COLGALT2: variants seen among roughly 807,000 people sequenced by gnomAD.
COLGALT2 encodes procollagen galactosyltransferase 2.
COLGALT2 carries 49 observed loss-of-function variants against 73.4 expected under a neutral mutation model. That is an observed-to-expected ratio of 0.67 (90% confidence interval 0.53 to 0.85). The LOEUF (loss-of-function observed/expected upper bound fraction) is 0.85. Ranked by LOEUF, COLGALT2 falls within the 40% of genes least tolerant of loss-of-function variation. The pLI is 0.00. For synonymous variants in COLGALT2, 295 were observed against 307.6 expected, an observed-to-expected ratio of 0.96 and a Z score of 0.43; for missense variants, 722 against 790.2, an observed-to-expected ratio of 0.91 and a Z score of 1.03.
intron 1 of COLGALT2, among the ~76,000 whole-genome samples, chr1:184,028,107 G>A (rs954745345): frequency 6.6e-6 from 1 of 152,170 alleles, no homozygotes; most frequent in Non-Finnish European, 1.5e-5. Flanking sequence ...GTGTGGTGCT[G>A]AGACAGGATT....
intron 1 of COLGALT2, among the ~76,000 whole-genome samples, chr1:184,010,912 T>C (rs530387516): frequency 6.6e-6 from 1 of 152,118 alleles, no homozygotes; most frequent in African/African-American, 2.4e-5. Flanking sequence ...ATGACAGCCA[T>C]AGAGTAGGAA....
In COLGALT2 at chr1:183,938,336, G is replaced by C. The variant is rs1670016282; in HGVS notation, c.*425C>G. 1 of 999,220 alleles carries C rather than the reference G, an allele frequency of 1.0e-6. No homozygotes were observed. The highest frequency in any genetic ancestry group is 1.2e-6 in the Non-Finnish European group (1 of 837,624). The allele number at this position is 999,220 out of a possible 1,614,324, so 61.9% of individuals were successfully genotyped here. ...CAAGTTTTCAATGTCATATAAAACG[G>C]ACAAACTAGACCAATAAGTGTGGTC... is the stretch of plus-strand genomic sequence containing the variant. On this transcript the variant is annotated 3_prime_UTR_variant, in exon 12 of 12. Transcript: ENST00000361927.
At chr1:183,976,053 T>A (rs1671181078) in intron 2 of COLGALT2, among the ~76,000 whole-genome samples, 1 of 152,240 alleles carries the variant, frequency 6.6e-6, no homozygotes, top group Non-Finnish European at 1.5e-5. Flanking sequence ...ATTGTTTCAA[T>A]GAAAATCAGT....
chr1:183,988,625 A>G (rs776409071), intron 1 of COLGALT2, among the ~76,000 whole-genome samples: 41 of 152,114 alleles, frequency 2.7e-4, no homozygotes, highest in Admixed American at 2.6e-3. Context: ...TTCACTTTGC[A>G]TACTGTTTTC....
rs573356954 is a variant in COLGALT2, at chr1:183,941,015, T to C, written c.1398-228A>G. ...CATTTATCAACACCCCCACTATTCCTGCCTAGTGGACGGTTTTCAAGACGG... is the reference window on the plus strand; with the variant it reads ...CATTTATCAACACCCCCACTATTCCCGCCTAGTGGACGGTTTTCAAGACGG... On this transcript the variant is annotated intron_variant, in intron 10 of 11. Coordinates refer to ENST00000361927, the MANE Select transcript of COLGALT2 (RefSeq NM_015101.4). Among the ~76,000 whole-genome samples the C allele has an allele frequency of 2.0e-5, 3 of 152,314 alleles. No homozygotes were observed. In the East Asian group the frequency reaches 5.8e-4, roughly 29 times the overall value.
intron 1 of COLGALT2, among the ~76,000 whole-genome samples, chr1:184,020,415 G>A (rs1421586484): frequency 6.6e-6 from 1 of 152,158 alleles, no homozygotes; most frequent in Non-Finnish European, 1.5e-5. Flanking sequence ...CTCTCAAGAA[G>A]CTCAAAGAAT....
Position 184,037,522 on chromosome 1 carries a change from C to T in COLGALT2, c.-165G>A. 1 of 1,149,354 alleles carries T rather than the reference C, an allele frequency of 8.7e-7. No homozygotes were observed. The highest frequency in any genetic ancestry group is 1.1e-6 in the Non-Finnish European group (1 of 936,356). 71.2% of individuals were successfully genotyped at this position (1,149,354 alleles called of 1,614,324 possible). ...CACACTGGCCTCGGCGGCTGCGGTT[C>T]CCAGGACCCTCCCGCCGCCGCTGCA... On this transcript the variant is annotated 5_prime_UTR_variant, in exon 1 of 12. Transcript: ENST00000361927.
intron 1 of COLGALT2, among the ~76,000 whole-genome samples, chr1:184,034,747 T>G (rs1362289972): frequency 6.6e-6 from 1 of 152,224 alleles, no homozygotes; most frequent in Non-Finnish European, 1.5e-5. Flanking sequence ...CCACGAGCTC[T>G]TATTATTATG....
chr1:183,933,451 C>A (rs1330407706), downstream of COLGALT2, among the ~76,000 whole-genome samples: 1 of 152,194 alleles, frequency 6.6e-6, no homozygotes. Flanking sequence ...CAATATCATC[C>A]CCTTCAAGTC....
intron 1 of COLGALT2, among the ~76,000 whole-genome samples, chr1:183,984,740 C>T (rs759942810): frequency 1.3e-5 from 2 of 152,226 alleles, no homozygotes; most frequent in Non-Finnish European, 2.9e-5. Context: ...CCCTCTGATT[C>T]TGCTTTTGGT....
rs1021059668 is a variant in COLGALT2 at position 183,936,978 on chromosome 1, T to C, written c.*1783A>G. On this transcript the variant is annotated 3_prime_UTR_variant, in exon 12 of 12. Transcript: ENST00000361927. ...AGATGAGGCTGCCTTGACTACCTAT[T>C]TGGTGATGAGACAGCTTGGTGATCA... The C allele has an allele frequency of 1.6e-6, 2 of 1,231,652 alleles. No homozygotes were observed. Among genetic ancestry groups the C allele is most frequent in the African/African-American group, 3.1e-5 (2 of 64,412 alleles). The allele number at this position is 1,231,652 out of a possible 1,614,324, so 76.3% of individuals were successfully genotyped here. A position where few individuals can be genotyped will look rare whatever the true frequency, so the allele number is the denominator to read the frequency against.
chr1:183,954,615 AAG>A (rs1217880116), intron 7 of COLGALT2, 145 bp downstream of exon 7: 1 of 504,682 alleles, frequency 2.0e-6, no homozygotes, highest in Non-Finnish European at 3.6e-6. Flanking sequence ...AACAAAAACC[AAG>A]TAGTTTTCCC....
Position 183,936,589 on chromosome 1 carries a change from C to T in COLGALT2, c.*2172G>A. ...CAACCCAAACTTCCTTCAACCCCAG[C>T]ACCCCAGCCACCTCCCACCCCATTA... On this transcript the variant is annotated 3_prime_UTR_variant, in exon 12 of 12. Transcript: ENST00000361927. 8.6e-7 allele frequency: 1 copy of T among 1,160,062 alleles called. No homozygotes were observed. The allele number at this position is 1,160,062 out of a possible 1,614,324, so 71.9% of individuals were successfully genotyped here. A position where few individuals can be genotyped will look rare whatever the true frequency, so the allele number is the denominator to read the frequency against.
chr1:183,997,031 C>T (rs1281524847), intron 1 of COLGALT2, among the ~76,000 whole-genome samples: 2 of 152,084 alleles, frequency 1.3e-5, no homozygotes, highest in Non-Finnish European at 2.9e-5. Flanking sequence ...AAATTCATGG[C>T]GTGGATCAGG....
chr1:183,937,215 GCC>G lies in COLGALT2; in HGVS notation c.*1544_*1545del, dbSNP rs932227960. On this transcript the variant is annotated 3_prime_UTR_variant, in exon 12 of 12. Transcript: ENST00000361927. ...AAGCTCAGGGTTTGGGGTGTGCACG[GCC>G]CCCCATATGGCTGCATGGTGCATGG... The G allele has an allele frequency of 1.6e-6, 2 of 1,212,922 alleles. No individual in the cohort carries two copies. Among genetic ancestry groups the G allele is most frequent in the Non-Finnish European group, 2.0e-6 (2 of 976,736 alleles). 75.1% of individuals were successfully genotyped at this position (1,212,922 alleles called of 1,614,324 possible). A position where few individuals can be genotyped will look rare whatever the true frequency, so the allele number is the denominator to read the frequency against.
chr1:183,964,834 TG>T (rs1369498174), intron 5 of COLGALT2, among the ~76,000 whole-genome samples: 3 of 152,194 alleles, frequency 2.0e-5, no homozygotes, highest in Non-Finnish European at 4.4e-5. Flanking sequence ...TCCTGATCAA[TG>T]ATAAGACTGC....
In COLGALT2 at chr1:183,940,460, T is replaced by C. The variant is rs1670075916; in HGVS notation, c.1604+121A>G. 1.5e-5 allele frequency: 14 copies of C among 907,836 alleles called. No homozygotes were observed. In the South Asian group the frequency reaches 2.1e-4, roughly 14 times the overall value. The allele number at this position is 907,836 out of a possible 1,614,324, so 56.2% of individuals were successfully genotyped here. A position where few individuals can be genotyped will look rare whatever the true frequency, so the allele number is the denominator to read the frequency against. The stretch of plus-strand genomic sequence containing the variant: ...AGTTAGGCTCTCTTAATCATAATTA[T>C]GAGAAGATCATTTAGGAAAGCAGTA... On this transcript the variant is annotated intron_variant, in intron 11 of 11. Transcript: ENST00000361927.
At chr1:183,946,340 T>C (rs1353420230) in intron 8 of COLGALT2, 2 of 152,166 alleles carry the variant, frequency 1.3e-5, no homozygotes, top group African/African-American at 2.4e-5. Flanking sequence ...CATAGGGAGT[T>C]TGATTTGCTC....
In COLGALT2 at chr1:183,938,011, A is replaced by G. The variant is rs41263654; in HGVS notation, c.*750T>C. On this transcript the variant is annotated 3_prime_UTR_variant, in exon 12 of 12. Coordinates refer to ENST00000361927, the MANE Select transcript of COLGALT2 (RefSeq NM_015101.4). Reference sequence around the variant, plus strand: ...ATAGAGCATCCTGACTCGAGTGGCCATAATAAAAAAGCCAAACATTGAGTT... The same window carrying G: ...ATAGAGCATCCTGACTCGAGTGGCCGTAATAAAAAAGCCAAACATTGAGTT... 1.2e-3 allele frequency: 1,166 copies of G among 985,484 alleles called. 6 individuals are homozygous for G. In the South Asian group the frequency reaches 0.012, roughly 10 times the overall value. 61.0% of individuals were successfully genotyped at this position (985,484 alleles called of 1,614,324 possible).
Sources: gnomAD v4.1 joint callset for allele counts (sites outside exome capture counted in the v4.1 genomes callset) on GRCh38, gnomAD v4.1.1 for gene constraint, MANE v1.5 for transcripts, NCBI Gene and HGNC (gene_info 2026-07-23, HGNC 2026-07-21) for gene names.